Variants in PLXNA2 observed in about 807,000 individuals in gnomAD.
PLXNA2 encodes the protein plexin A2.
A neutral mutation model predicts 193.5 loss-of-function variants in PLXNA2; 91 were observed. That is an observed-to-expected ratio of 0.47 (90% CI 0.40 to 0.56). The LOEUF (loss-of-function observed/expected upper bound fraction) is 0.56, where lower values mean the gene tolerates loss of function less well. Among genes scored for constraint, PLXNA2 ranks in the 20% least tolerant of loss-of-function variants. The probability of loss-of-function intolerance (pLI) is 0.00; values close to 1 mark genes in which losing one functional copy is unlikely to be tolerated. For missense variants in PLXNA2, 1,995 were observed against 2,503.2 expected (o/e 0.80, Z 4.33); for synonymous variants, 997 against 1,027.3 (o/e 0.97, Z 0.56).
chr1:208,102,552 G>A (rs1667130135), intron 5 of PLXNA2, among the ~76,000 whole-genome samples: 1 of 152,184 alleles, frequency 6.6e-6, no homozygotes, highest in South Asian at 2.1e-4. Flanking sequence ...TCCTCCCAAG[G>A]GTATAGGGTC....
At chr1:208,087,121 G>A (rs17259241) in intron 9 of PLXNA2, among the ~76,000 whole-genome samples, 2,138 of 152,032 alleles carry the variant, frequency 0.014, 30 homozygotes, top group Middle Eastern at 0.02. Context: ...TCTCTAATGA[G>A]CTTAGACAAC....
At chr1:208,238,480 T>C (rs550128753) in intron 1 of PLXNA2, among the ~76,000 whole-genome samples, 2 of 152,180 alleles carry the variant, frequency 1.3e-5, no homozygotes, top group South Asian at 2.1e-4. Context: ...GCTATCAGAT[T>C]GGAAGAGACG....
chr1:208,103,382 G>C, intron 4 of PLXNA2, 135 bp from the exon 5 acceptor site: 1 of 639,014 alleles, frequency 1.6e-6, no homozygotes, highest in Non-Finnish European at 2.7e-6. Flanking sequence ...GCAAGTCATG[G>C]CCTCAATGTC....
chr1:208,159,347 A>G (rs1228184514), intron 3 of PLXNA2, among the ~76,000 whole-genome samples: 1 of 152,238 alleles, frequency 6.6e-6, no homozygotes, highest in Non-Finnish European at 1.5e-5. Flanking sequence ...TGTGGGGGGA[A>G]GTACCTTCCC....
chr1:208,060,810 C>T lies in PLXNA2; in HGVS notation c.2614G>A (p.Gly872Arg), dbSNP rs778247065. 1 of 1,614,062 alleles carries T rather than the reference C, an allele frequency of 6.2e-7. No individual in the cohort carries two copies. Among genetic ancestry groups the T allele is most frequent in the Non-Finnish European group, 8.5e-7 (1 of 1,179,994 alleles). The change falls in exon 13 of 32, where the codon GGA becomes AGA. Residue 872 changes from glycine (G) to arginine (R), a missense_variant. Transcript: ENST00000367033. Reference sequence around the variant, plus strand: ...CCATGGATGGTCACTCGCGTCCCTCCTTCCGGCGGTCCAGACACCGTCAAA... The same window carrying T: ...CCATGGATGGTCACTCGCGTCCCTCTTTCCGGCGGTCCAGACACCGTCAAA... The part of the protein sequence containing the change: ...EILTVSGPPE[G>R]GTRVTIHGVN...
chr1:208,033,310 G>C lies in PLXNA2; in HGVS notation c.5055+9C>G. ...AAGCACTCCCTGGTCTGGGCAGAGGGGGAGTTACCTTGGTGGCCAGTAGCC... is the reference window on the plus strand; with the variant it reads ...AAGCACTCCCTGGTCTGGGCAGAGGCGGAGTTACCTTGGTGGCCAGTAGCC... On this transcript the variant is annotated intron_variant, in intron 28 of 31. Coordinates refer to ENST00000367033, the MANE Select transcript of PLXNA2 (RefSeq NM_025179.4). The C allele has an allele frequency of 6.2e-7, 1 of 1,609,662 alleles. No individual in the cohort carries two copies. Among genetic ancestry groups the C allele is most frequent in the Non-Finnish European group, 8.5e-7 (1 of 1,177,136 alleles).
At chr1:208,239,948 G>C (rs770961118) in intron 1 of PLXNA2, among the ~76,000 whole-genome samples, 8 of 152,156 alleles carry the variant, frequency 5.3e-5, no homozygotes, top group Non-Finnish European at 1.0e-4. Context: ...CTGGGGTGAA[G>C]GGGGGTATGG....
Position 208,031,757 on chromosome 1 carries a change from G to A in PLXNA2, c.5058C>T (p.Gly1686=), listed in dbSNP as rs1366126398. The change falls in exon 29 of 32, where the codon GGC becomes GGT. Residue 1686 remains glycine (G), a splice_region_variant and synonymous_variant. Transcript: ENST00000367033. ...IYLTRLLATK[G]TLQKFVDDLF... is the part of the protein sequence containing the mutation. ...AGTCGTCCACAAACTTCTGCAGGGT[G>A]CCCTGGAGGAGGGGTGGGGGAGAGT... 2.5e-6 allele frequency: 4 copies of A among 1,599,448 alleles called. No individual in the cohort carries two copies. The highest frequency in any genetic ancestry group is 2.2e-5 in the East Asian group (1 of 44,536).
intron 21 of PLXNA2, 58 bp from the exon 22 acceptor site, chr1:208,042,424 C>T (rs1664902723): frequency 6.4e-7 from 1 of 1,571,304 alleles, no homozygotes; most frequent in Non-Finnish European, 8.7e-7. Context: ...GGCCTCCTAC[C>T]TGAGGGTCTC....
At chr1:208,034,188 G>A (rs553148110) in intron 27 of PLXNA2, among the ~76,000 whole-genome samples, 85 of 152,364 alleles carry the variant, frequency 5.6e-4, no homozygotes, top group African/African-American at 1.8e-3. Context: ...AACTGGACTG[G>A]CCCAGGCAAC....
chr1:208,038,880 G>A lies in PLXNA2; in HGVS notation c.4605C>T (p.Ala1535=), dbSNP rs746831660. 9.3e-6 allele frequency: 15 copies of A among 1,613,956 alleles called. No homozygotes were observed. Among genetic ancestry groups the A allele is most frequent in the East Asian group, 4.5e-5 (2 of 44,846 alleles). The change falls in exon 25 of 32, where the codon GCC becomes GCT. Residue 1535 remains alanine (A), a synonymous_variant. Transcript: ENST00000367033. This position sits in a 1 kb window ranked among gnomAD's most constrained non-coding sequence, Gnocchi z 4.1. ...ITQVKEKILD[A]VYKNVPYSQR... ...GGGAATAGGGCACATTCTTATACAC[G>A]GCATCAAGAATCTTCTCCTTGACCT...
At chr1:208,164,448 G>A (rs991334807) in intron 3 of PLXNA2, among the ~76,000 whole-genome samples, 1 of 152,170 alleles carries the variant, frequency 6.6e-6, no homozygotes, top group East Asian at 1.9e-4. Flanking sequence ...CTCATAGGGA[G>A]GTTTAGTACC....
intron 12 of PLXNA2, 97 bp from the exon 13 acceptor site, chr1:208,060,934 T>G (rs759060653): frequency 9.4e-7 from 1 of 1,060,062 alleles, no homozygotes; most frequent in Admixed American, 2.4e-5. Flanking sequence ...AGAACCTCCA[T>G]AGGTTCTTAA....
chr1:208,164,773 G>T (rs74779285), intron 3 of PLXNA2, among the ~76,000 whole-genome samples: 8,308 of 152,312 alleles, frequency 0.055, 289 homozygotes, highest in Non-Finnish European at 0.083. Context: ...CGGCTCCCTG[G>T]GGGCAGAGGA....
chr1:208,157,226 C>T (rs2102507974), intron 3 of PLXNA2, among the ~76,000 whole-genome samples: 1 of 152,332 alleles, frequency 6.6e-6, no homozygotes, highest in South Asian at 2.1e-4. Context: ...AAATCTCATG[C>T]TGGATCCTGG....
In PLXNA2 at chr1:208,099,726, G is replaced by A. The variant is rs111229871; in HGVS notation, c.1608-757C>T. 2.3e-3 allele frequency among the ~76,000 whole-genome samples: 355 copies of A among 151,916 alleles called. 2 individuals are homozygous for A. Among genetic ancestry groups the A allele is most frequent in the African/African-American group, 8.4e-3 (347 of 41,406 alleles). The stretch of plus-strand genomic sequence containing the variant: ...TCTGGGATTACAGGCGCCCACCACC[G>A]TGCCCGGCTAATTTTTATATTTTTA... On this transcript the variant is annotated intron_variant, in intron 5 of 31. Coordinates refer to ENST00000367033, the MANE Select transcript of PLXNA2 (RefSeq NM_025179.4).
At chr1:208,126,687 C>T (rs1667983619) in intron 4 of PLXNA2, among the ~76,000 whole-genome samples, 1 of 152,146 alleles carries the variant, frequency 6.6e-6, no homozygotes, top group Admixed American at 6.5e-5. Context: ...CCAGATGTGC[C>T]TAACACAGAG....
In PLXNA2 at chr1:208,193,520, A is replaced by G. The variant is rs185621921; in HGVS notation, c.1371+16760T>C. Among the ~76,000 whole-genome samples, 136 of 152,360 alleles carry G rather than the reference A, an allele frequency of 8.9e-4. 2 individuals are homozygous for G. Among genetic ancestry groups the G allele is most frequent in the Non-Finnish European group, 7.5e-4 (51 of 68,042 alleles). ...AGCCCATGGGGCTGTTAGGATTACA[A>G]AATGAGATAAAAATGGGCAATATAT... is the stretch of plus-strand genomic sequence containing the variant. On this transcript the variant is annotated intron_variant, in intron 3 of 31. Coordinates refer to ENST00000367033, the MANE Select transcript of PLXNA2 (RefSeq NM_025179.4).
At chr1:208,193,103 C>T (rs1670237386) in intron 3 of PLXNA2, among the ~76,000 whole-genome samples, 1 of 152,158 alleles carries the variant, frequency 6.6e-6, no homozygotes, top group African/African-American at 2.4e-5. Flanking sequence ...ACCGCAATAT[C>T]CTCTTCTTAC....
Sources: gnomAD v4.1 joint callset for allele counts (sites outside exome capture counted in the v4.1 genomes callset) on GRCh38, gnomAD v4.1.1 for gene constraint, Gnocchi (gnomAD v3.1) non-coding constraint, MANE v1.5 for transcripts, NCBI Gene and HGNC (gene_info 2026-07-23, HGNC 2026-07-21) for gene names.